The following MCTP1 variants were observed in gnomAD, a reference collection of about 807,000 sequenced individuals.
MCTP1 encodes the protein multiple C2 and transmembrane domain-containing protein 1.
Under a neutral mutation model 120.6 loss-of-function variants are expected in MCTP1, and 69 were observed. The observed-to-expected ratio is 0.57, with a 90% CI of 0.47 to 0.70. MCTP1 has a LOEUF of 0.70. MCTP1 is among the 30% of genes least tolerant of loss of function. The probability of loss-of-function intolerance (pLI) is 0.00; values close to 1 mark genes in which losing one functional copy is unlikely to be tolerated. For missense variants in MCTP1, 1,203 were observed against 1,248.8 expected, an observed-to-expected ratio of 0.96 and a Z score of 0.55; for synonymous variants, 529 against 493.1, an observed-to-expected ratio of 1.07 and a Z score of -0.96.
At chr5:94,764,986 T>C (rs1772242928) in intron 19 of MCTP1, among the ~76,000 whole-genome samples, 1 of 152,056 alleles carries the variant, frequency 6.6e-6, no homozygotes, top group Non-Finnish European at 1.5e-5. Flanking sequence ...GGATAGACCA[T>C]ATATTAGGCC....
chr5:95,094,926 A>C (rs913906788), intron 1 of MCTP1, among the ~76,000 whole-genome samples: 2 of 139,012 alleles, frequency 1.4e-5, no homozygotes, highest in Non-Finnish European at 3.1e-5. Context: ...AATTCATGGT[A>C]TTTGCACATT....
At chr5:95,243,666 T>G (rs1756425751) in intron 1 of MCTP1, among the ~76,000 whole-genome samples, 1 of 152,056 alleles carries the variant, frequency 6.6e-6, no homozygotes, top group Admixed American at 6.5e-5. Context: ...GAGACACCAT[T>G]TTAGTAATCC....
Position 95,063,278 on chromosome 5 carries a change from A to G in MCTP1, c.721-45794T>C, listed in dbSNP as rs530122759. ...TGTGCCGGGGAAAGCCAAACCTTCC[A>G]ACCTCAAACACCAGAACTCAGGGAT... On this transcript the variant is annotated intron_variant, in intron 1 of 22. Transcript: ENST00000515393. 2.0e-5 allele frequency among the ~76,000 whole-genome samples: 3 copies of G among 152,320 alleles called. No individual in the cohort carries two copies. The East Asian group carries it at 5.8e-4, about 29-fold the overall frequency.
At chr5:94,901,614 TAA>T (rs369255829) in intron 10 of MCTP1, among the ~76,000 whole-genome samples, 2 of 145,346 alleles carry the variant, frequency 1.4e-5, no homozygotes, top group East Asian at 2.0e-4. Context: ...TTCTCTGCAT[TAA>T]AAAAAAAAAA....
intron 1 of MCTP1, among the ~76,000 whole-genome samples, chr5:95,146,309 A>G (rs1488266743): frequency 6.6e-6 from 1 of 151,998 alleles, no homozygotes; most frequent in Non-Finnish European, 1.5e-5. Flanking sequence ...TGTTCTATAC[A>G]TCTTGTTTAT....
At chr5:95,145,225 C>T (rs1760284766) in intron 1 of MCTP1, among the ~76,000 whole-genome samples, 1 of 152,020 alleles carries the variant, frequency 6.6e-6, no homozygotes, top group South Asian at 2.1e-4. Context: ...AGAAATGTTA[C>T]TGATTTTTGT....
chr5:94,951,236 TTTTG>T (rs997851782), intron 3 of MCTP1, among the ~76,000 whole-genome samples: 1 of 152,224 alleles, frequency 6.6e-6, no homozygotes, highest in African/African-American at 2.4e-5. Context: ...TACTTCAGTT[TTTTG>T]TTTATTTCTT....
intron 1 of MCTP1, among the ~76,000 whole-genome samples, chr5:95,220,293 C>A (rs1463067657): frequency 6.6e-6 from 1 of 150,526 alleles, no homozygotes; most frequent in Non-Finnish European, 1.5e-5. Context: ...AAAATAAAAT[C>A]TGTACATTAA....
At chr5:95,246,214 T>C (rs1011910092) in intron 1 of MCTP1, among the ~76,000 whole-genome samples, 1 of 152,142 alleles carries the variant, frequency 6.6e-6, no homozygotes, top group Non-Finnish European at 1.5e-5. Flanking sequence ...TACCAGCCAC[T>C]GCAAAAACAT....
chr5:95,110,523 G>A (rs1757377692), intron 1 of MCTP1, among the ~76,000 whole-genome samples: 1 of 152,134 alleles, frequency 6.6e-6, no homozygotes, highest in Admixed American at 6.6e-5. Context: ...TGGATGTTAT[G>A]TGAGTTAAAA....
intron 14 of MCTP1, 127 bp from the exon 15 acceptor site, chr5:94,871,100 G>C: frequency 1.3e-6 from 1 of 780,746 alleles, no homozygotes; most frequent in Non-Finnish European, 2.2e-6. Flanking sequence ...ATTCTGACAA[G>C]TACCTGTTCA....
At chr5:95,270,355 A>G (rs1037844895) in intron 1 of MCTP1, among the ~76,000 whole-genome samples, 9 of 152,280 alleles carry the variant, frequency 5.9e-5, no homozygotes, top group Non-Finnish European at 1.3e-4. Context: ...CATTTGTAAA[A>G]TGCAGAAGAC....
intron 2 of MCTP1, among the ~76,000 whole-genome samples, chr5:94,968,711 T>G (rs1485323590): frequency 6.6e-6 from 1 of 152,182 alleles, no homozygotes; most frequent in Non-Finnish European, 1.5e-5. Context: ...ACTTATCAAA[T>G]TAAAGAGAGG....
chr5:95,105,750 A>T (rs1757036420), intron 1 of MCTP1, among the ~76,000 whole-genome samples: 1 of 152,084 alleles, frequency 6.6e-6, no homozygotes, highest in Admixed American at 6.5e-5. Context: ...ACTAAACAAA[A>T]CCTGTGCTAG....
At chr5:95,124,343 A>T (rs1291296507) in intron 1 of MCTP1, among the ~76,000 whole-genome samples, 2 of 152,250 alleles carry the variant, frequency 1.3e-5, no homozygotes, top group African/African-American at 4.8e-5. Flanking sequence ...GGGAAAGCAC[A>T]TGCTATCTGT....
intron 17 of MCTP1, among the ~76,000 whole-genome samples, chr5:94,844,329 A>G (rs1791834507): frequency 1.3e-5 from 2 of 150,404 alleles, no homozygotes; most frequent in Admixed American, 6.6e-5. Flanking sequence ...AAAGAAAAGA[A>G]AAAGAAAAAA....
intron 1 of MCTP1, among the ~76,000 whole-genome samples, chr5:95,251,836 T>C (rs1381948290): frequency 6.6e-6 from 1 of 152,076 alleles, no homozygotes; most frequent in Admixed American, 6.6e-5. Flanking sequence ...CCACAATTAA[T>C]AGATAAGGAA....
chr5:94,802,863 A>G (rs1781497907), intron 17 of MCTP1, among the ~76,000 whole-genome samples: 1 of 152,232 alleles, frequency 6.6e-6, no homozygotes, highest in Non-Finnish European at 1.5e-5. Context: ...TCTGTGGGTC[A>G]TGGAAAGAGG....
chr5:94,952,575 C>T (rs1820897968), intron 3 of MCTP1, among the ~76,000 whole-genome samples: 1 of 151,792 alleles, frequency 6.6e-6, no homozygotes, highest in South Asian at 2.1e-4. Context: ...ACAGTCAGAG[C>T]CTAGGAGCAA....
Sources: allele counts gnomAD v4.1 joint callset (sites outside exome capture counted in the v4.1 genomes callset), GRCh38; gene constraint gnomAD v4.1.1; transcripts MANE v1.5; gene names NCBI Gene and HGNC (gene_info 2026-07-23, HGNC 2026-07-21).